The following VLDLR variants were observed in gnomAD, a reference collection of about 807,000 sequenced individuals.
The protein encoded by VLDLR is very low-density lipoprotein receptor.
VLDLR carries 81 observed loss-of-function variants against 112.7 expected under a neutral mutation model. That is an observed-to-expected ratio of 0.72 (90% CI 0.60 to 0.86). The LOEUF (loss-of-function observed/expected upper bound fraction) is 0.86. Among genes scored for constraint, VLDLR ranks in the 40% least tolerant of loss-of-function variants. The pLI, the probability that VLDLR is intolerant of heterozygous loss-of-function variation, is 0.00. For missense variants in VLDLR, 1,237 were observed against 1,099.4 expected (o/e 1.13, Z -1.77); for synonymous variants, 436 against 384.8 (o/e 1.13, Z -1.56).
At chr9:2,627,087 T>G (rs1370458242) in intron 1 of VLDLR, among the ~76,000 whole-genome samples, 1 of 152,072 alleles carries the variant, frequency 6.6e-6, no homozygotes, top group East Asian at 1.9e-4. Context: ...TTTGTGGCAC[T>G]TAGTCTAGTA....
At chr9:2,647,974 G>A (rs1010569703) in intron 12 of VLDLR, among the ~76,000 whole-genome samples, 1 of 152,228 alleles carries the variant, frequency 6.6e-6, no homozygotes, top group Non-Finnish European at 1.5e-5. Context: ...TTTCTGTAAT[G>A]TGAGTAATAT....
rs1818741974 is a variant in VLDLR at position 2,659,998 on chromosome 9, A to G, written c.*6130A>G. ...GAATGCAGAGTCCTGATGACCTGTC[A>G]ATAAACTTTTTTTTACTAATGAACT... On this transcript the variant is annotated 3_prime_UTR_variant, in exon 19 of 19. Transcript: ENST00000382100. 6.6e-6 allele frequency: 1 copy of G among 152,186 alleles called. No homozygotes were observed. 9.4% of individuals were successfully genotyped at this position (152,186 alleles called of 1,614,324 possible).
Position 2,652,871 on chromosome 9 carries a change from G to C in VLDLR, c.2508G>C (p.Val836=). The change falls in exon 18 of 19, where the codon GTG becomes GTC. Residue 836 remains valine, a synonymous_variant. Transcript: ENST00000382100. ...NMKSMNFDNP[V]YLKTTEEDLS... ...AAAGCATGAACTTTGACAATCCTGT[G>C]TACTTGAAAACCACTGAAGAGGACC... 2 of 1,614,102 alleles carry C rather than the reference G, an allele frequency of 1.2e-6. No homozygotes were observed. Among genetic ancestry groups the C allele is most frequent in the Non-Finnish European group, 1.7e-6 (2 of 1,180,000 alleles).
At position 2,648,338 on chromosome 9, in the gene VLDLR, A is replaced by G. The variant is rs2130801514; in HGVS notation, c.1953A>G (p.Thr651=). ...LEFLAHPLAL[T]IFEDRVYWID... ...TCCTAGCTCATCCTCTTGCACTAAC[A>G]ATATTTGAGGTAAGATGTGTCTCAC... The change falls in exon 13 of 19, where the codon ACA becomes ACG. Residue 651 remains threonine, a synonymous_variant. Transcript: ENST00000382100. The G allele has an allele frequency of 6.2e-7, 1 of 1,614,180 alleles. No homozygotes were observed. Among genetic ancestry groups the G allele is most frequent in the East Asian group, 2.2e-5 (1 of 44,884 alleles).
intron 1 of VLDLR, among the ~76,000 whole-genome samples, chr9:2,627,393 A>G (rs1817142426): frequency 6.6e-6 from 1 of 152,194 alleles, no homozygotes; most frequent in Admixed American, 6.5e-5. Flanking sequence ...GCATTAAAAC[A>G]TGTCAGAAGT....
In VLDLR at chr9:2,644,999, G is replaced by A; in HGVS notation, c.1229G>A (p.Cys410Tyr). 3 of 1,614,180 alleles carry A rather than the reference G, an allele frequency of 1.9e-6. No individual in the cohort carries two copies. Among genetic ancestry groups the A allele is most frequent in the Non-Finnish European group, 2.5e-6 (3 of 1,180,022 alleles). Residue 410 changes from cysteine (C) to tyrosine (Y), a missense_variant, in exon 9 of 19, where the codon TGT becomes TAT. Physicochemically the swap from Cys to Tyr is radical, Grantham distance 194. Coordinates refer to ENST00000382100, the MANE Select transcript of VLDLR (RefSeq NM_003383.5). ...AATCCAGGAATCTGCAGTCAAATTT[G>A]TATCAACTTAAAAGGCGGTTACAAG... The part of the protein sequence containing the change: ...CQNPGICSQI[C>Y]INLKGGYKCE...
rs1818473390 is a variant in VLDLR at position 2,653,881 on chromosome 9, A to C, written c.*13A>C. The C allele has an allele frequency of 2.5e-6, 4 of 1,613,878 alleles. No homozygotes were observed. Among genetic ancestry groups the C allele is most frequent in the Non-Finnish European group, 3.4e-6 (4 of 1,179,804 alleles). On this transcript the variant is annotated 3_prime_UTR_variant, in exon 19 of 19. Transcript: ENST00000382100. ...TGATCTAGCTTGACTTCTGTGACAA[A>C]TGTTGACCTTTGAGGTCTAAACAAA...
At chr9:2,644,304 GC>G (rs1230237091) in intron 7 of VLDLR, among the ~76,000 whole-genome samples, 8 of 147,876 alleles carry the variant, frequency 5.4e-5, no homozygotes, top group South Asian at 2.2e-4. Context: ...GACTATAGGC[GC>G]CCACCACCAC....
chr9:2,659,381 T>C lies in VLDLR; in HGVS notation c.*5513T>C, dbSNP rs1274568524. On this transcript the variant is annotated 3_prime_UTR_variant, in exon 19 of 19. Transcript: ENST00000382100. ...TGCCAGCTATGGCTGGCATCCAGTA[T>C]GGTGGTGTAATGGAAGTGTACTACT... 2 of 152,238 alleles carry C rather than the reference T, an allele frequency of 1.3e-5. No homozygotes were observed. Among genetic ancestry groups the C allele is most frequent in the African/African-American group, 4.8e-5 (2 of 41,456 alleles). 9.4% of individuals were successfully genotyped at this position (152,238 alleles called of 1,614,324 possible). A position where few individuals can be genotyped will look rare whatever the true frequency, so the allele number is the denominator to read the frequency against.
In VLDLR at chr9:2,660,028, A is replaced by G. The variant is rs566417001; in HGVS notation, c.*6160A>G. On this transcript the variant is annotated 3_prime_UTR_variant, in exon 19 of 19. Coordinates refer to ENST00000382100, the MANE Select transcript of VLDLR (RefSeq NM_003383.5). ...ACTTTTTTTTACTAATGAACTGTAC[A>G]TTTAAATAAAAGTTTATTTTTGGGA... 1.3e-5 allele frequency: 2 copies of G among 150,310 alleles called. No individual in the cohort carries two copies. Among genetic ancestry groups the G allele is most frequent in the African/African-American group, 5.0e-5 (2 of 40,226 alleles). 9.3% of individuals were successfully genotyped at this position (150,310 alleles called of 1,614,324 possible).
chr9:2,641,476 G>T lies in VLDLR; in HGVS notation c.425G>T (p.Ser142Ile), dbSNP rs376983674. 1.3e-5 allele frequency: 21 copies of T among 1,614,098 alleles called. No individual in the cohort carries two copies. In the African/African-American group the frequency reaches 2.8e-4, roughly 22 times the overall value. Reference protein sequence around the residue: ...WRCDGENDCDSGEDEENCGNI... With the variant: ...WRCDGENDCDIGEDEENCGNI... Reference sequence around the variant, plus strand: ...TGTGATGGTGAAAATGATTGTGACAGTGGAGAAGATGAAGAAAACTGTGGT... The same window carrying T: ...TGTGATGGTGAAAATGATTGTGACATTGGAGAAGATGAAGAAAACTGTGGT... The change falls in exon 4 of 19, where the codon AGT becomes ATT. Residue 142 changes from serine (S) to isoleucine (I), a missense_variant. Ser to Ile is a moderately radical substitution (Grantham distance 142, BLOSUM62 -2). Coordinates refer to ENST00000382100, the MANE Select transcript of VLDLR (RefSeq NM_003383.5).
Position 2,648,871 on chromosome 9 carries a change from C to G in VLDLR, c.2104+61C>G, listed in dbSNP as rs1818189793. ...TAAGGGAAGCAGCATGACACAGAAC[C>G]TGCTGGATGTCAGTAGCTCTTGGCA... On this transcript the variant is annotated intron_variant, in intron 14 of 18. Coordinates refer to ENST00000382100, the MANE Select transcript of VLDLR (RefSeq NM_003383.5). 2.5e-6 allele frequency: 4 copies of G among 1,606,810 alleles called. No homozygotes were observed. In the Admixed American group the frequency reaches 5.0e-5, roughly 20 times the overall value.
In VLDLR at chr9:2,657,385, C is replaced by G. The variant is rs776430600; in HGVS notation, c.*3517C>G. On this transcript the variant is annotated 3_prime_UTR_variant, in exon 19 of 19. Coordinates refer to ENST00000382100, the MANE Select transcript of VLDLR (RefSeq NM_003383.5). The stretch of plus-strand genomic sequence containing the variant: ...TGAATACAACCTGCTAATCTTGATC[C>G]CCAAATCTGAGCCCTTCAGTTTCAT... 3.3e-5 allele frequency: 5 copies of G among 152,128 alleles called. No homozygotes were observed. Among genetic ancestry groups the G allele is most frequent in the Non-Finnish European group, 5.9e-5 (4 of 68,036 alleles). 9.4% of individuals were successfully genotyped at this position (152,128 alleles called of 1,614,324 possible). A position where few individuals can be genotyped will look rare whatever the true frequency, so the allele number is the denominator to read the frequency against.
chr9:2,652,674 G>C, intron 17 of VLDLR, 106 bp from the exon 18 acceptor site: 2 of 1,452,560 alleles, frequency 1.4e-6, no homozygotes, highest in South Asian at 1.2e-5. Flanking sequence ...ATAAAACATG[G>C]CATTTTTACT....
At chr9:2,648,633 C>G in intron 13 of VLDLR, 36 bp from the exon 14 acceptor site, 1 of 1,614,122 alleles carries the variant, frequency 6.2e-7, no homozygotes, top group South Asian at 1.1e-5. Context: ...TGTGTTAATC[C>G]TGGATGTACA....
In VLDLR at chr9:2,639,914, C is replaced by T. The variant is rs1563755176; in HGVS notation, c.258C>T (p.Pro86=). The T allele has an allele frequency of 1.9e-6, 3 of 1,614,188 alleles. No individual in the cohort carries two copies. The highest frequency in any genetic ancestry group is 1.3e-5 in the African/African-American group (1 of 75,026). Residue 86 remains proline (P), a synonymous_variant, in exon 3 of 19, where the codon CCC becomes CCT. Transcript: ENST00000382100. ...TGTGCAACAATGGCCAGTGTGTTCC[C>T]AGCCGATGGAAGTGTGATGGAGATC... ...DFVCNNGQCV[P]SRWKCDGDPD...
intron 1 of VLDLR, among the ~76,000 whole-genome samples, chr9:2,628,099 A>G (rs982569661): frequency 6.6e-6 from 1 of 152,072 alleles, no homozygotes; most frequent in African/African-American, 2.4e-5. Flanking sequence ...AAGACTACCA[A>G]CTAGTGCCTA....
intron 11 of VLDLR, among the ~76,000 whole-genome samples, 189 bp downstream of exon 11, chr9:2,646,741 G>C (rs1013336821): frequency 2.0e-5 from 3 of 152,212 alleles, no homozygotes. Context: ...CTATATGACA[G>C]GTCCTCCTGT....
intron 1 of VLDLR, among the ~76,000 whole-genome samples, chr9:2,634,619 T>C (rs1817518930): frequency 6.6e-6 from 1 of 152,196 alleles, no homozygotes; most frequent in Non-Finnish European, 1.5e-5. Context: ...ACATTAAGCA[T>C]AGAAAACCAG....
Sources: gnomAD v4.1 joint callset for allele counts (sites outside exome capture counted in the v4.1 genomes callset) on GRCh38, gnomAD v4.1.1 for gene constraint, MANE v1.5 for transcripts, NCBI Gene and HGNC (gene_info 2026-07-23, HGNC 2026-07-21) for gene names.